Variants in PCDH11X observed in about 807,000 individuals in gnomAD.
PCDH11X encodes protocadherin 11 X-linked, also known as protocadherin-11 X-linked.
In PCDH11X, 18 loss-of-function variants were observed where a neutral mutation model predicts 53.3. The ratio of observed to expected loss-of-function variants is 0.34; its 90% CI spans 0.23 to 0.50. PCDH11X has a LOEUF of 0.50. PCDH11X is among the 20% of genes least tolerant of loss of function. The probability of loss-of-function intolerance (pLI) is 0.98; values close to 1 mark genes in which losing one functional copy is unlikely to be tolerated. For missense variants in PCDH11X, 570 were observed against 1,032.4 expected (o/e 0.55, Z 6.14); for synonymous variants, 279 against 393.3 (o/e 0.71, Z 3.44).
At chrX:92,321,002 C>A (rs2069188023) in intron 8 of PCDH11X, among the ~76,000 whole-genome samples, 1 of 107,311 alleles carries the variant, frequency 9.3e-6, no homozygotes, top group African/African-American at 3.4e-5. Context: ...ATGAAAGGGG[C>A]TTTTCTGGAC....
chrX:92,303,162 A>G (rs2068757009), intron 8 of PCDH11X, among the ~76,000 whole-genome samples: 1 of 111,002 alleles, frequency 9.0e-6, no homozygotes, highest in Non-Finnish European at 1.9e-5. Flanking sequence ...GGCATGATAA[A>G]ATATGCAATA....
Position 92,241,054 on chromosome X carries a change from T to C in PCDH11X, c.3115-22060T>C, listed in dbSNP as rs979049253. ...TGCCTCAGAAGAATGTTGCTTAGTATATATTCATTTGATGATGCACAGGGG... is the reference window on the plus strand; with the variant it reads ...TGCCTCAGAAGAATGTTGCTTAGTACATATTCATTTGATGATGCACAGGGG... On this transcript the variant is annotated intron_variant, in intron 7 of 10. Transcript: ENST00000682573. Among the ~76,000 whole-genome samples, 4 of 111,340 alleles carry C rather than the reference T, an allele frequency of 3.6e-5. No individual in the cohort carries two copies. The South Asian group carries it at 1.1e-3, about 31-fold the overall frequency.
At chrX:92,496,368 CA>C (rs2148690212) in intron 10 of PCDH11X, among the ~76,000 whole-genome samples, 1 of 102,733 alleles carries the variant, frequency 9.7e-6, no homozygotes, top group Non-Finnish European at 1.9e-5. Context: ...AATAATTATG[CA>C]AGGAAAAATG....
intron 6 of PCDH11X, among the ~76,000 whole-genome samples, chrX:91,910,392 G>A (rs1348486156): frequency 2.7e-5 from 3 of 109,460 alleles, no homozygotes; most frequent in Non-Finnish European, 5.7e-5. Flanking sequence ...TCACATATGC[G>A]GTGAAATGTT....
chrX:92,596,923 A>G (rs1797961111), intron 10 of PCDH11X, among the ~76,000 whole-genome samples: 1 of 110,607 alleles, frequency 9.0e-6, no homozygotes, highest in Non-Finnish European at 1.9e-5. Flanking sequence ...AATCAATCAT[A>G]TCAATAGAAT....
intron 8 of PCDH11X, among the ~76,000 whole-genome samples, chrX:92,332,558 A>C (rs1339480138): frequency 8.9e-6 from 1 of 112,156 alleles, no homozygotes; most frequent in African/African-American, 3.2e-5. Context: ...TAAAAAATTA[A>C]ATCAGTAACA....
chrX:91,940,943 T>A (rs1471306021), intron 6 of PCDH11X, among the ~76,000 whole-genome samples: 1 of 110,575 alleles, frequency 9.0e-6, no homozygotes, highest in Admixed American at 9.7e-5. Flanking sequence ...AAGCAACCAC[T>A]AAAATGAAAA....
intron 10 of PCDH11X, among the ~76,000 whole-genome samples, chrX:92,525,529 G>A (rs1470624515): frequency 9.3e-6 from 1 of 107,888 alleles, no homozygotes; most frequent in African/African-American, 3.4e-5. Flanking sequence ...TACATGGGTG[G>A]CTGAGGCAGG....
At chrX:92,042,796 C>G (rs980047518) in intron 6 of PCDH11X, among the ~76,000 whole-genome samples, 19 of 107,102 alleles carry the variant, frequency 1.8e-4, no homozygotes, top group Admixed American at 4.1e-4. Context: ...ACCCCCACAC[C>G]CAGCTAATTT....
intron 6 of PCDH11X, among the ~76,000 whole-genome samples, chrX:92,092,670 A>G (rs772173621): frequency 8.9e-6 from 1 of 111,817 alleles, no homozygotes; most frequent in South Asian, 3.7e-4. Context: ...CAAAGGAAAC[A>G]ATCAGATAGG....
intron 10 of PCDH11X, among the ~76,000 whole-genome samples, chrX:92,469,494 T>TC (rs1468579175): frequency 9.0e-6 from 1 of 111,579 alleles, no homozygotes; most frequent in African/African-American, 3.3e-5. Context: ...CTGAGGAGTT[T>TC]CCCCAAAGTG....
At chrX:92,513,608 G>A (rs2074203655) in intron 10 of PCDH11X, among the ~76,000 whole-genome samples, 4 of 108,159 alleles carry the variant, frequency 3.7e-5, no homozygotes, top group Admixed American at 2.0e-4. Flanking sequence ...TGAGGGTTAA[G>A]CTTCTGAAGA....
chrX:92,139,427 C>G (rs377304210), intron 6 of PCDH11X, among the ~76,000 whole-genome samples: 3 of 108,317 alleles, frequency 2.8e-5, no homozygotes, highest in East Asian at 5.9e-4. Flanking sequence ...AGGCACTCAC[C>G]ACATTTTTGT....
At chrX:91,969,616 T>C (rs777987215) in intron 6 of PCDH11X, among the ~76,000 whole-genome samples, 2 of 108,297 alleles carry the variant, frequency 1.8e-5, no homozygotes, top group South Asian at 8.3e-4. Flanking sequence ...CTGGGCAACA[T>C]AGCGAGACTC....
In PCDH11X at chrX:92,269,839, C is replaced by T. The variant is rs777779086; in HGVS notation, c.3144+6696C>T. ...ACATTTTCTCACCACATATTCCTTG[C>T]TATAATTAATTACATTCCCCTCCTG... On this transcript the variant is annotated intron_variant, in intron 8 of 10. Transcript: ENST00000682573. Among the ~76,000 whole-genome samples the T allele has an allele frequency of 7.2e-5, 8 of 111,628 alleles. No individual in the cohort carries two copies. The South Asian group carries it at 3.0e-3, about 42-fold the overall frequency.
intron 10 of PCDH11X, among the ~76,000 whole-genome samples, chrX:92,505,204 A>T (rs1603350675): frequency 7.9e-5 from 3 of 38,194 alleles, no homozygotes; most frequent in African/African-American, 3.8e-4. Flanking sequence ...TAGTTTAATT[A>T]AGTCACACTT....
intron 10 of PCDH11X, among the ~76,000 whole-genome samples, chrX:92,585,032 A>C (rs1252309565): frequency 9.1e-6 from 1 of 110,372 alleles, no homozygotes; most frequent in Non-Finnish European, 1.9e-5. Context: ...AGGATGCAGG[A>C]TGCTGGCATC....
intron 1 of PCDH11X, among the ~76,000 whole-genome samples, chrX:91,808,463 C>G (rs1367218775): frequency 9.4e-6 from 1 of 106,576 alleles, no homozygotes; most frequent in Non-Finnish European, 1.9e-5. Context: ...CCACTGCACT[C>G]CAGCCTGGGC....
chrX:91,876,210 G>A (rs972739018), intron 5 of PCDH11X, among the ~76,000 whole-genome samples: 6 of 110,706 alleles, frequency 5.4e-5, no homozygotes, highest in African/African-American at 1.6e-4. Flanking sequence ...TGGGGACTTC[G>A]GGGAAAGAGA....
Sources: allele counts gnomAD v4.1 joint callset (sites outside exome capture counted in the v4.1 genomes callset), GRCh38; gene constraint gnomAD v4.1.1; transcripts MANE v1.5; gene names NCBI Gene and HGNC (gene_info 2026-07-23, HGNC 2026-07-21).